The following MMD variants were observed in gnomAD, a reference collection of about 807,000 sequenced individuals.
The protein encoded by MMD is monocyte to macrophage differentiation factor.
A neutral mutation model predicts 33.6 loss-of-function variants in MMD; 22 were observed. The ratio of observed to expected loss-of-function variants is 0.66; its 90% CI spans 0.47 to 0.94. The LOEUF (loss-of-function observed/expected upper bound fraction) is 0.94. Ranked by LOEUF, MMD falls within the 40% of genes least tolerant of loss-of-function variation. The probability of loss-of-function intolerance (pLI) is 0.00; values close to 1 mark genes in which losing one functional copy is unlikely to be tolerated. For synonymous variants in MMD, 97 were observed against 103.2 expected (o/e 0.94, Z 0.36); for missense variants, 242 against 309.8 (o/e 0.78, Z 1.64).
chr17:55,403,452 C>A (rs899104502), intron 5 of MMD, among the ~76,000 whole-genome samples: 3 of 152,138 alleles, frequency 2.0e-5, no homozygotes, highest in Admixed American at 6.5e-5. Flanking sequence ...GGTTTTCTCA[C>A]GTGATGACTG....
chr17:55,404,813 G>T, intron 4 of MMD: 2 of 962,052 alleles, frequency 2.1e-6, no homozygotes, highest in Non-Finnish European at 2.5e-6. Flanking sequence ...TGTAATCCCA[G>T]AACTTTGGGA....
chr17:55,397,409 C>G (rs1490596410), intron 6 of MMD, among the ~76,000 whole-genome samples: 1 of 152,150 alleles, frequency 6.6e-6, no homozygotes, highest in African/African-American at 2.4e-5. Context: ...GATCTGCCTG[C>G]CTTGGCCTCC....
In MMD at chr17:55,394,345, G is replaced by A. The variant is rs777269522; in HGVS notation, c.706C>T (p.Arg236Trp). 1.2e-5 allele frequency: 17 copies of A among 1,372,970 alleles called. No homozygotes were observed. In the South Asian group the frequency reaches 1.3e-4, roughly 10 times the overall value. 85.0% of individuals were successfully genotyped at this position (1,372,970 alleles called of 1,614,324 possible). A position where few individuals can be genotyped will look rare whatever the true frequency, so the allele number is the denominator to read the frequency against. The change falls in exon 7 of 7, where the codon CGG becomes TGG. Residue 236 changes from arginine to tryptophan, a missense_variant. By Grantham distance (101) the Arg-to-Trp change is moderately radical. Transcript: ENST00000262065. ...YLYRSPTDFMRHL is the reference protein window; with the variant it reads ...YLYRSPTDFMWHL ...TTAGTACAGATTGGTCATAAATGCCGCATAAAGTCCGTAGGACTTCGGTAA... is the reference window on the plus strand; with the variant it reads ...TTAGTACAGATTGGTCATAAATGCCACATAAAGTCCGTAGGACTTCGGTAA...
chr17:55,394,637 G>A (rs1907034537), intron 6 of MMD, 103 bp from the exon 7 acceptor site: 2 of 991,966 alleles, frequency 2.0e-6, no homozygotes, highest in Non-Finnish European at 2.7e-6. Flanking sequence ...TCTAGACAAT[G>A]AAGAAGCTGT....
chr17:55,397,565 C>A (rs1462212924), intron 6 of MMD, among the ~76,000 whole-genome samples: 1 of 151,612 alleles, frequency 6.6e-6, no homozygotes, highest in Non-Finnish European at 1.5e-5. Context: ...CATGTTGTTG[C>A]CTAGGCTGGA....
At chr17:55,414,267 TCAAAGTGTGTGAAGAA>T in intron 1 of MMD, 35 bp from the exon 2 acceptor site, 1 of 1,594,926 alleles carries the variant, frequency 6.3e-7, no homozygotes, top group African/African-American at 1.3e-5. Flanking sequence ...TAAGAAAAAC[TCAAAGTGTGTGAAGAA>T]CAATGAGGAA....
At chr17:55,413,594 T>C (rs918985465) in intron 2 of MMD, among the ~76,000 whole-genome samples, 1 of 152,182 alleles carries the variant, frequency 6.6e-6, no homozygotes, top group African/African-American at 2.4e-5. Flanking sequence ...ATAAGCATGT[T>C]TTGCTTTTAC....
At chr17:55,396,488 T>C (rs1287260296) in intron 6 of MMD, among the ~76,000 whole-genome samples, 1 of 152,224 alleles carries the variant, frequency 6.6e-6, no homozygotes, top group Non-Finnish European at 1.5e-5. Context: ...CATCCTTTGT[T>C]TCCGTTTTCC....
At chr17:55,407,299 A>AAATAAAT (rs1907591496) in intron 4 of MMD, among the ~76,000 whole-genome samples, 1 of 142,578 alleles carries the variant, frequency 7.0e-6, no homozygotes, top group African/African-American at 2.7e-5. Context: ...ACTCCATCTC[A>AAATAAAT]AAATAAATAA....
chr17:55,404,641 G>C (rs1341322093), intron 4 of MMD: 1 of 985,244 alleles, frequency 1.0e-6, no homozygotes, highest in Non-Finnish European at 1.2e-6. Flanking sequence ...TCTGCCAAGA[G>C]AGAGTATGAG....
At chr17:55,416,759 A>G (rs542247641) in intron 1 of MMD, among the ~76,000 whole-genome samples, 3 of 152,310 alleles carry the variant, frequency 2.0e-5, no homozygotes, top group African/African-American at 7.2e-5. Flanking sequence ...TATGGAAAAC[A>G]GCATCCATTT....
At chr17:55,397,893 C>T (rs1311278616) in intron 6 of MMD, among the ~76,000 whole-genome samples, 3 of 152,080 alleles carry the variant, frequency 2.0e-5, no homozygotes, top group Non-Finnish European at 4.4e-5. Flanking sequence ...CCCATGAATT[C>T]TGATAAAATG....
At chr17:55,411,181 A>C in intron 3 of MMD, 76 bp downstream of exon 3, 1 of 1,496,258 alleles carries the variant, frequency 6.7e-7, no homozygotes, top group Admixed American at 2.0e-5. Flanking sequence ...TGACTAAAGC[A>C]TGCCAGCTTG....
chr17:55,397,743 T>G (rs939143709), intron 6 of MMD, among the ~76,000 whole-genome samples: 1 of 152,030 alleles, frequency 6.6e-6, no homozygotes, highest in Non-Finnish European at 1.5e-5. Context: ...GGTTTCACCA[T>G]GTTGGCCAGG....
At chr17:55,408,936 G>A (rs975458461) in intron 3 of MMD, among the ~76,000 whole-genome samples, 1 of 152,198 alleles carries the variant, frequency 6.6e-6, no homozygotes, top group African/African-American at 2.4e-5. Flanking sequence ...AGGAGGCGGA[G>A]GTGGCAGTGA....
chr17:55,395,589 G>A (rs1358391716), intron 6 of MMD, among the ~76,000 whole-genome samples: 1 of 152,202 alleles, frequency 6.6e-6, no homozygotes, highest in African/African-American at 2.4e-5. Flanking sequence ...CTAAGGACCA[G>A]GTGTGAGGAT....
At chr17:55,417,084 C>A (rs1171437723) in intron 1 of MMD, among the ~76,000 whole-genome samples, 2 of 152,164 alleles carry the variant, frequency 1.3e-5, no homozygotes, top group African/African-American at 2.4e-5. Context: ...CCTTAGCACA[C>A]TAACACACTT....
chr17:55,405,257 C>T (rs1172412938), intron 4 of MMD, among the ~76,000 whole-genome samples: 2 of 151,806 alleles, frequency 1.3e-5, no homozygotes, highest in African/African-American at 4.8e-5. Context: ...GTAATCCCAG[C>T]TACTTGGAAG....
At chr17:55,417,661 G>C (rs1908021491) in intron 1 of MMD, among the ~76,000 whole-genome samples, 1 of 152,102 alleles carries the variant, frequency 6.6e-6, no homozygotes, top group Admixed American at 6.5e-5. Flanking sequence ...AGCCAGGTGT[G>C]GTAGTGTATG....
Sources: gnomAD v4.1 joint callset for allele counts (sites outside exome capture counted in the v4.1 genomes callset) on GRCh38, gnomAD v4.1.1 for gene constraint, MANE v1.5 for transcripts, NCBI Gene and HGNC (gene_info 2026-07-23, HGNC 2026-07-21) for gene names.